Variants in GANC observed in about 807,000 individuals in gnomAD.
GANC encodes the protein glucosidase alpha, neutral C, also known as neutral alpha-glucosidase C.
In GANC, 117 loss-of-function variants were observed where a neutral mutation model predicts 124.2. That is an observed-to-expected ratio of 0.94 (90% CI 0.81 to 1.10). The LOEUF (loss-of-function observed/expected upper bound fraction) is 1.10. GANC is among the 50% of genes least tolerant of loss of function. GANC has a pLI of 0.00. For synonymous variants in GANC, 377 were observed against 376.8 expected, an observed-to-expected ratio of 1.00 and a Z score of -0.01; for missense variants, 1,140 against 1,095.0, an observed-to-expected ratio of 1.04 and a Z score of -0.58.
At chr15:42,281,360 A>G (rs983265902) in intron 3 of GANC, among the ~76,000 whole-genome samples, 8 of 152,292 alleles carry the variant, frequency 5.3e-5, no homozygotes, top group Non-Finnish European at 8.8e-5. Context: ...TGTTGCCTGC[A>G]TCTTATATGC....
intron 10 of GANC, among the ~76,000 whole-genome samples, chr15:42,311,627 C>T (rs1236028271): frequency 3.9e-5 from 6 of 152,144 alleles, no homozygotes; most frequent in Non-Finnish European, 7.3e-5. Flanking sequence ...GAAGCAGGCA[C>T]ATCTTACCTG....
chr15:42,349,660 T>C (rs2052405355), intron 22 of GANC, among the ~76,000 whole-genome samples, 165 bp downstream of exon 22: 1 of 152,164 alleles, frequency 6.6e-6, no homozygotes, highest in South Asian at 2.1e-4. Flanking sequence ...TTCTTTTTTT[T>C]TGAGACAGAG....
intron 6 of GANC, among the ~76,000 whole-genome samples, chr15:42,298,579 G>T (rs2051914076): frequency 1.3e-5 from 2 of 152,180 alleles, no homozygotes; most frequent in South Asian, 2.1e-4. Context: ...ATTTTTAAAA[G>T]ATTATTTTGT....
chr15:42,283,275 C>G (rs1376405793), intron 3 of GANC, among the ~76,000 whole-genome samples: 2 of 152,130 alleles, frequency 1.3e-5, no homozygotes, highest in Non-Finnish European at 2.9e-5. Flanking sequence ...TGTGCTTATT[C>G]CTGATGACAG....
chr15:42,323,093 G>A (rs2052174010), intron 11 of GANC, among the ~76,000 whole-genome samples: 1 of 152,126 alleles, frequency 6.6e-6, no homozygotes. Context: ...ATTCCATCCA[G>A]CGATGACAAA....
intron 17 of GANC, 89 bp from the exon 18 acceptor site, chr15:42,340,601 T>TAAAA (rs369001717): frequency 2.4e-4 from 191 of 794,736 alleles, no homozygotes; most frequent in Non-Finnish European, 2.8e-4. Flanking sequence ...GAGATCCATC[T>TAAAA]AAAAAAAAAA....
rs764240868 is a variant in GANC at position 42,292,686 on chromosome 15, C to T, written c.330-49C>T. ...CTTGGAAGTACAAATCACATAGGGCCATGTAAACCTATAGCAGCTTGTTTC... is the reference window on the plus strand; with the variant it reads ...CTTGGAAGTACAAATCACATAGGGCTATGTAAACCTATAGCAGCTTGTTTC... On this transcript the variant is annotated intron_variant, in intron 4 of 23. Coordinates refer to ENST00000318010, the MANE Select transcript of GANC (RefSeq NM_198141.3). 60 of 1,541,842 alleles carry T rather than the reference C, an allele frequency of 3.9e-5. No individual in the cohort carries two copies. The South Asian group carries it at 6.6e-4, about 17-fold the overall frequency.
At chr15:42,281,155 C>T (rs1241160751) in intron 3 of GANC, 2 of 700,442 alleles carry the variant, frequency 2.9e-6, no homozygotes, top group African/African-American at 3.5e-5. Context: ...ATCAGAACCA[C>T]ATAGGGAATC....
chr15:42,283,479 G>C, intron 3 of GANC: 1 of 608,680 alleles, frequency 1.6e-6, no homozygotes, highest in Non-Finnish European at 2.9e-6. Context: ...GAAAATGTAT[G>C]CTGTCTTGTG....
intron 20 of GANC, among the ~76,000 whole-genome samples, chr15:42,346,085 C>G (rs749602867): frequency 1.3e-5 from 2 of 152,166 alleles, no homozygotes; most frequent in Non-Finnish European, 2.9e-5. Context: ...AAGGTGCTGT[C>G]TCAGTTTTCT....
chr15:42,339,080 A>C (rs1384522621), intron 16 of GANC, among the ~76,000 whole-genome samples: 1 of 152,122 alleles, frequency 6.6e-6, no homozygotes, highest in African/African-American at 2.4e-5. Context: ...TTCCTGTAGG[A>C]GTAGAAGCAA....
chr15:42,321,706 A>G (rs2052158724), intron 10 of GANC, 79 bp from the exon 11 acceptor site: 2 of 1,193,520 alleles, frequency 1.7e-6, no homozygotes, highest in East Asian at 2.3e-5. Context: ...AATACTCTGT[A>G]GACATTCAGG....
intron 10 of GANC, among the ~76,000 whole-genome samples, chr15:42,317,975 C>T (rs1275049574): frequency 2.0e-5 from 3 of 152,352 alleles, no homozygotes; most frequent in East Asian, 3.9e-4. Flanking sequence ...CTCCGTCTCC[C>T]ATCCAATCTA....
intron 11 of GANC, among the ~76,000 whole-genome samples, chr15:42,323,094 C>T (rs538574272): frequency 1.3e-5 from 2 of 152,106 alleles, no homozygotes; most frequent in Non-Finnish European, 2.9e-5. Context: ...TTCCATCCAG[C>T]GATGACAAAA....
chr15:42,317,550 T>C (rs1053360248), intron 10 of GANC, among the ~76,000 whole-genome samples: 1 of 152,214 alleles, frequency 6.6e-6, no homozygotes, highest in Non-Finnish European at 1.5e-5. Context: ...TGGCAAATTT[T>C]GCTATATATA....
chr15:42,347,174 GAAAAAAA>G (rs775853278), intron 20 of GANC, among the ~76,000 whole-genome samples: 4 of 105,448 alleles, frequency 3.8e-5, no homozygotes, highest in South Asian at 6.3e-4. Context: ...CTTGTTCTTT[GAAAAAAA>G]AAAAAAAAAA....
chr15:42,352,176 C>T lies in GANC; in HGVS notation c.*37C>T. The T allele has an allele frequency of 6.2e-7, 1 of 1,611,808 alleles. No homozygotes were observed. Among genetic ancestry groups the T allele is most frequent in the Non-Finnish European group, 8.5e-7 (1 of 1,178,692 alleles). On this transcript the variant is annotated 3_prime_UTR_variant, in exon 24 of 24. Coordinates refer to ENST00000318010, the MANE Select transcript of GANC (RefSeq NM_198141.3). ...CCCTGGTGATGTGAGCAGGGACCTG[C>T]CTGCCCCTTTCAACCTTTCCCCTCA...
In GANC at chr15:42,310,739, G is replaced by T; in HGVS notation, c.950G>T (p.Arg317Ile). 6.2e-7 allele frequency: 1 copy of T among 1,614,092 alleles called. No homozygotes were observed. The highest frequency in any genetic ancestry group is 8.5e-7 in the Non-Finnish European group (1 of 1,179,934). Reference sequence around the variant, plus strand: ...CCAGTTGCTGCTAAACAAAAGGTCAGATCTCGCACTCATGTGCACTGGATG... The same window carrying T: ...CCAGTTGCTGCTAAACAAAAGGTCATATCTCGCACTCATGTGCACTGGATG... ...MGPVAAKQKV[R>I]SRTHVHWMSE... Residue 317 changes from arginine to isoleucine, a missense_variant, in exon 10 of 24, where the codon AGA becomes ATA. Transcript: ENST00000318010.
At chr15:42,281,184 G>T (rs2051730060) in intron 3 of GANC, 1 of 680,378 alleles carries the variant, frequency 1.5e-6, no homozygotes, top group South Asian at 1.6e-5. Flanking sequence ...CTGATCTCAG[G>T]CAAATGTATG....
Sources: allele counts gnomAD v4.1 joint callset (sites outside exome capture counted in the v4.1 genomes callset), GRCh38; gene constraint gnomAD v4.1.1; transcripts MANE v1.5; gene names NCBI Gene and HGNC (gene_info 2026-07-23, HGNC 2026-07-21).